ZEB1: variants seen among roughly 807,000 people sequenced by gnomAD.
ZEB1 encodes the protein zinc finger E-box-binding homeobox 1.
In ZEB1, 21 loss-of-function variants were observed where a neutral mutation model predicts 84.9. That is an observed-to-expected ratio of 0.25 (90% CI 0.18 to 0.36). The LOEUF (loss-of-function observed/expected upper bound fraction) is 0.36, where lower values mean the gene tolerates loss of function less well. Among genes scored for constraint, ZEB1 ranks in the 10% least tolerant of loss-of-function variants. The pLI is 1.00. For missense variants in ZEB1, 1,104 were observed against 1,330.2 expected, an observed-to-expected ratio of 0.83 and a Z score of 2.65; for synonymous variants, 420 against 471.1, an observed-to-expected ratio of 0.89 and a Z score of 1.41.
chr10:31,504,581 C>T (rs756502711), intron 4 of ZEB1, among the ~76,000 whole-genome samples: 33 of 152,210 alleles, frequency 2.2e-4, no homozygotes, highest in Non-Finnish European at 3.8e-4. Flanking sequence ...TCTTCTGATC[C>T]ATGAGCATGG....
intron 6 of ZEB1, among the ~76,000 whole-genome samples, chr10:31,519,873 A>G (rs1187527639): frequency 6.6e-6 from 1 of 152,196 alleles, no homozygotes; most frequent in Non-Finnish European, 1.5e-5. Context: ...AGATTGGTGG[A>G]AATATTATAC....
intron 1 of ZEB1, among the ~76,000 whole-genome samples, chr10:31,326,691 C>A (rs796696637): frequency 6.6e-6 from 1 of 152,108 alleles, no homozygotes. Flanking sequence ...TTATCTAAGA[C>A]GGTAACAAGC....
chr10:31,415,204 G>A (rs949781129), intron 1 of ZEB1, among the ~76,000 whole-genome samples: 4 of 152,022 alleles, frequency 2.6e-5, no homozygotes, highest in Non-Finnish European at 5.9e-5. Context: ...TTAACTGTTC[G>A]ACAGAGAGAG....
chr10:31,337,380 CAG>C (rs1476651861), intron 1 of ZEB1, among the ~76,000 whole-genome samples: 1 of 151,848 alleles, frequency 6.6e-6, no homozygotes, highest in Non-Finnish European at 1.5e-5. Context: ...TGGTGGAACT[CAG>C]ATATTTATTG....
intron 2 of ZEB1, among the ~76,000 whole-genome samples, chr10:31,475,651 G>GA (rs2064045120): frequency 6.6e-6 from 1 of 152,014 alleles, no homozygotes; most frequent in African/African-American, 2.4e-5. Context: ...TAACCACCTT[G>GA]AAAAAATGTC....
At chr10:31,469,371 G>A (rs987988222) in intron 2 of ZEB1, among the ~76,000 whole-genome samples, 12 of 152,128 alleles carry the variant, frequency 7.9e-5, no homozygotes, top group African/African-American at 1.2e-4. Flanking sequence ...TGCGTGAGCC[G>A]AAGCAGGGTG....
chr10:31,404,729 A>G (rs1378674339), intron 1 of ZEB1, among the ~76,000 whole-genome samples: 1 of 151,834 alleles, frequency 6.6e-6, no homozygotes, highest in Non-Finnish European at 1.5e-5. Context: ...TTCAAACTGC[A>G]CCTCTCCTTT....
At chr10:31,459,711 CTT>C (rs1181001751) in intron 1 of ZEB1, among the ~76,000 whole-genome samples, 1 of 151,956 alleles carries the variant, frequency 6.6e-6, no homozygotes, top group Non-Finnish European at 1.5e-5. Context: ...CTCTGGTACT[CTT>C]TTGGACAAGA....
chr10:31,522,284 A>C (rs1265891203), intron 7 of ZEB1, among the ~76,000 whole-genome samples: 3 of 152,250 alleles, frequency 2.0e-5, no homozygotes, highest in Non-Finnish European at 4.4e-5. Context: ...AATTAGTAAT[A>C]GTTTCTGCCT....
At chr10:31,405,565 T>C (rs1374617447) in intron 1 of ZEB1, among the ~76,000 whole-genome samples, 1 of 152,200 alleles carries the variant, frequency 6.6e-6, no homozygotes, top group Non-Finnish European at 1.5e-5. Flanking sequence ...AAACTTTATT[T>C]TTTAAAGATT....
intron 1 of ZEB1, among the ~76,000 whole-genome samples, chr10:31,442,829 G>A (rs2059198001): frequency 6.6e-6 from 1 of 152,224 alleles, no homozygotes; most frequent in African/African-American, 2.4e-5. Context: ...AATGAGGACT[G>A]ATAATTGTCA....
At chr10:31,323,963 T>TTGTGTGTGTGTGTGTG (rs1564458960) in intron 1 of ZEB1, among the ~76,000 whole-genome samples, 46 of 111,830 alleles carry the variant, frequency 4.1e-4, no homozygotes, top group African/African-American at 1.5e-3. Flanking sequence ...TCATGGTTCT[T>TTGTGTGTGTGTGTGTG]CGTGTGTGTG....
chr10:31,388,341 T>A (rs553551883), intron 1 of ZEB1, among the ~76,000 whole-genome samples: 5 of 152,258 alleles, frequency 3.3e-5, no homozygotes, highest in Admixed American at 2.6e-4. Flanking sequence ...AAGACTTTAG[T>A]TCTACAAAAT....
chr10:31,497,024 C>G (rs1231803718), intron 3 of ZEB1, among the ~76,000 whole-genome samples: 2 of 152,164 alleles, frequency 1.3e-5, no homozygotes, highest in East Asian at 3.9e-4. Flanking sequence ...TGTTTTGCCC[C>G]TAACTTCGTT....
At chr10:31,448,524 T>G (rs1362414668) in intron 1 of ZEB1, among the ~76,000 whole-genome samples, 3 of 150,904 alleles carry the variant, frequency 2.0e-5, no homozygotes, top group Non-Finnish European at 4.4e-5. Context: ...CTGTTCTGTT[T>G]TTTCCCCATC....
At position 31,406,816 on chromosome 10, in the gene ZEB1, A is replaced by C. The variant is rs185940597; in HGVS notation, c.59-54221A>C. Among the ~76,000 whole-genome samples the C allele has an allele frequency of 1.8e-3, 266 of 151,972 alleles. 3 individuals are homozygous for C. Among genetic ancestry groups the C allele is most frequent in the African/African-American group, 6.2e-3 (257 of 41,462 alleles). Reference sequence around the variant, plus strand: ...CCTAGTTTTTCTTCTAGAGTTTTTTATGGTTTTAGGTCTTATGTTTAAGTG... The same window carrying C: ...CCTAGTTTTTCTTCTAGAGTTTTTTCTGGTTTTAGGTCTTATGTTTAAGTG... On this transcript the variant is annotated intron_variant, in intron 1 of 8. Transcript: ENST00000424869.
chr10:31,340,069 A>G (rs2039051051), intron 1 of ZEB1, among the ~76,000 whole-genome samples: 1 of 152,162 alleles, frequency 6.6e-6, no homozygotes, highest in Non-Finnish European at 1.5e-5. Context: ...ATATTTCTTG[A>G]TTGTATCTTT....
At chr10:31,337,231 C>G (rs148157203) in intron 1 of ZEB1, among the ~76,000 whole-genome samples, 1 of 151,704 alleles carries the variant, frequency 6.6e-6, no homozygotes, top group Non-Finnish European at 1.5e-5. Context: ...AAAGAACACG[C>G]AAAATTAAGT....
chr10:31,437,367 A>G (rs1321524308), intron 1 of ZEB1, among the ~76,000 whole-genome samples: 3 of 152,216 alleles, frequency 2.0e-5, no homozygotes, highest in Non-Finnish European at 1.5e-5. Flanking sequence ...GAGGAACTAA[A>G]TTATTCATTC....
Sources: allele counts gnomAD v4.1 joint callset (sites outside exome capture counted in the v4.1 genomes callset), GRCh38; gene constraint gnomAD v4.1.1; transcripts MANE v1.5; gene names NCBI Gene and HGNC (gene_info 2026-07-23, HGNC 2026-07-21).